INTS11: variants seen among roughly 807,000 people sequenced by gnomAD.
The protein encoded by INTS11 is integrator complex subunit 11.
INTS11 carries 77 observed loss-of-function variants against 78.6 expected under a neutral mutation model. The observed-to-expected ratio is 0.98, with a 90% CI of 0.81 to 1.18. The LOEUF (loss-of-function observed/expected upper bound fraction) is 1.18, where lower values mean the gene tolerates loss of function less well. INTS11 is among the 50% of genes most tolerant of loss of function. The pLI is 0.00. For missense variants in INTS11, 875 were observed against 825.9 expected, an observed-to-expected ratio of 1.06 and a Z score of -0.73; for synonymous variants, 441 against 326.9, an observed-to-expected ratio of 1.35 and a Z score of -3.77.
chr1:1,313,808 A>G lies in INTS11; in HGVS notation c.881T>C (p.Phe294Ser). 3.1e-6 allele frequency: 5 copies of G among 1,613,502 alleles called. No individual in the cohort carries two copies. The highest frequency in any genetic ancestry group is 1.7e-6 in the Non-Finnish European group (2 of 1,179,980). The change falls in exon 9 of 17, where the codon TTC becomes TCC. Residue 294 changes from phenylalanine (F) to serine (S), a missense_variant. Physicochemically the swap from Phe to Ser is radical, Grantham distance 155 (BLOSUM62 -2). Transcript: ENST00000435064. ...GAACTCAAACATGTTCCTCTGCACG[A>G]AAGTCTTGCGGATCTTCTGGTTGGT... ...PWTNQKIRKT[F>S]VQRNMFEFKH...
intron 4 of INTS11, among the ~76,000 whole-genome samples, chr1:1,318,241 T>C (rs1642732222): frequency 4.6e-5 from 7 of 152,124 alleles, no homozygotes. Context: ...GAAGGCAAAT[T>C]ATCCCAAGTA....
rs749306909 is a variant in INTS11 at position 1,313,538 on chromosome 1, G to A, written c.1012C>T (p.Arg338Trp). ...TTCTTTTCGTTTCCGGCCCATTTCC[G>A]GAAGATCTGCAGGGACTGCCCAGCG... is the stretch of plus-strand genomic sequence containing the variant. ...LHAGQSLQIFRKWAGNEKNMV... is the reference protein window; with the variant it reads ...LHAGQSLQIFWKWAGNEKNMV... The change falls in exon 10 of 17, where the codon CGG becomes TGG. Residue 338 changes from arginine to tryptophan, a missense_variant. Transcript: ENST00000435064. 10 of 1,612,892 alleles carry A rather than the reference G, an allele frequency of 6.2e-6. No individual in the cohort carries two copies. Among genetic ancestry groups the A allele is most frequent in the African/African-American group, 4.0e-5 (3 of 74,950 alleles).
rs1642293967 is a variant in INTS11 at position 1,312,673 on chromosome 1, C to T, written c.1322G>A (p.Gly441Asp). The change falls in exon 13 of 17, where the codon GGC becomes GAC. Residue 441 changes from glycine to aspartate, a missense_variant. Coordinates refer to ENST00000435064, the MANE Select transcript of INTS11 (RefSeq NM_017871.6). ...LRVNCYMPANGETVTLPTSPS... is the reference protein window; with the variant it reads ...LRVNCYMPANDETVTLPTSPS... ...GCTTGTGGGCAGCGTCACCGTCTCGCCATTGGCCGGCATGTAGCAGTTGAC... is the reference window on the plus strand; with the variant it reads ...GCTTGTGGGCAGCGTCACCGTCTCGTCATTGGCCGGCATGTAGCAGTTGAC... 5.0e-6 allele frequency: 8 copies of T among 1,595,666 alleles called. No individual in the cohort carries two copies. Among genetic ancestry groups the T allele is most frequent in the Non-Finnish European group, 6.8e-6 (8 of 1,168,284 alleles).
At chr1:1,315,862 G>T (rs1219360200) in intron 4 of INTS11, among the ~76,000 whole-genome samples, 3 of 148,186 alleles carry the variant, frequency 2.0e-5, no homozygotes, top group African/African-American at 7.4e-5. Context: ...GGGGAGCGAG[G>T]GCACTGCACT....
chr1:1,324,280 G>C (rs896007864), intron 1 of INTS11, among the ~76,000 whole-genome samples: 12 of 151,918 alleles, frequency 7.9e-5, no homozygotes, highest in South Asian at 2.1e-4. Flanking sequence ...CGCGCGGCAC[G>C]GGGAGGTCAA....
At chr1:1,323,324 A>G (rs1643074213) in intron 1 of INTS11, 2 of 1,530,888 alleles carry the variant, frequency 1.3e-6, no homozygotes, top group African/African-American at 2.8e-5. Context: ...ATGACTGGCC[A>G]CCAACACCAT....
intron 2 of INTS11, 136 bp downstream of exon 2, chr1:1,320,860 C>A: frequency 2.3e-6 from 2 of 871,606 alleles, no homozygotes; most frequent in Non-Finnish European, 3.8e-6. Context: ...CCACCCATCC[C>A]TGCTCCCCAC....
chr1:1,313,159 T>A, intron 10 of INTS11, 35 bp from the exon 11 acceptor site: 1 of 1,586,066 alleles, frequency 6.3e-7, no homozygotes, highest in Non-Finnish European at 8.5e-7. Flanking sequence ...GCCAGGGAAC[T>A]CCAGCCTTGG....
At chr1:1,321,629 G>A (rs1056931538) in intron 1 of INTS11, among the ~76,000 whole-genome samples, 3 of 152,236 alleles carry the variant, frequency 2.0e-5, no homozygotes, top group Non-Finnish European at 4.4e-5. Context: ...CGAACACGGT[G>A]CCAGTGGTCC....
At chr1:1,318,801 C>T in intron 4 of INTS11, 1 of 589,916 alleles carries the variant, frequency 1.7e-6, no homozygotes, top group South Asian at 2.1e-5. Flanking sequence ...GAGTGAGACA[C>T]AGACAAACCC....
At position 1,312,580 on chromosome 1, in the gene INTS11, C is replaced by A. The variant is rs374497541; in HGVS notation, c.1402+13G>T. On this transcript the variant is annotated intron_variant, in intron 13 of 16. Coordinates refer to ENST00000435064, the MANE Select transcript of INTS11 (RefSeq NM_017871.6). The stretch of plus-strand genomic sequence containing the variant: ...CCCCGAGCACCCTGCCCTGCCCTGC[C>A]CAGCCCGCATACCCTGCGCCATCTC... The A allele has an allele frequency of 1.9e-6, 3 of 1,578,196 alleles. No individual in the cohort carries two copies. The East Asian group carries it at 6.8e-5, about 36-fold the overall frequency.
chr1:1,311,960 G>A (rs772931868), intron 16 of INTS11, 36 bp from the exon 17 acceptor site: 5 of 1,596,938 alleles, frequency 3.1e-6, no homozygotes, highest in South Asian at 2.2e-5. Flanking sequence ...GGTGGTGCAG[G>A]ACAGGGAGGA....
At position 1,313,398 on chromosome 1, in the gene INTS11, G is replaced by A. The variant is rs750038739; in HGVS notation, c.1041+111C>T. ...CCCGTTCCCCAGCAGCAGCAGCCAC[G>A]TCCCTTGGCCAGCACGAGGCCAAGC... On this transcript the variant is annotated intron_variant, in intron 10 of 16. Coordinates refer to ENST00000435064, the MANE Select transcript of INTS11 (RefSeq NM_017871.6). 130 of 1,247,608 alleles carry A rather than the reference G, an allele frequency of 1.0e-4. 1 individual carries two copies. The highest frequency in any genetic ancestry group is 5.3e-4 in the Admixed American group (29 of 54,288). The allele number at this position is 1,247,608 out of a possible 1,614,324, so 77.3% of individuals were successfully genotyped here. A position where few individuals can be genotyped will look rare whatever the true frequency, so the allele number is the denominator to read the frequency against.
At chr1:1,312,198 T>TGGGGGGGG (rs70949570) in intron 15 of INTS11, 28 bp downstream of exon 15, 205 of 1,079,840 alleles carry the variant, frequency 1.9e-4, no homozygotes, top group East Asian at 3.9e-4. Context: ...CCCAAGGGAG[T>TGGGGGGGG]GGGGGGGGGG....
In INTS11 at chr1:1,312,117, G is replaced by T; in HGVS notation, c.1638C>A (p.Leu546=). The change falls in exon 16 of 17, where the codon CTC becomes CTA. Residue 546 remains leucine (L), a synonymous_variant. Transcript: ENST00000435064. The part of the protein sequence containing the change: ...SVLKDHCVQH[L]PDGSVTVESV... ...ACTCCACAGTCACAGAGCCGTCTGG[G>T]AGGTGCTGCACACAGTGGTCCTTCA... 6.3e-7 allele frequency: 1 copy of T among 1,575,026 alleles called. No individual in the cohort carries two copies. Among genetic ancestry groups the T allele is most frequent in the Non-Finnish European group, 8.6e-7 (1 of 1,158,584 alleles).
At chr1:1,313,397 C>T (rs780580202) in intron 10 of INTS11, 112 bp downstream of exon 10, 29 of 1,235,338 alleles carry the variant, frequency 2.3e-5, no homozygotes, top group Non-Finnish European at 3.2e-5. Context: ...GCAGCAGCCA[C>T]GTCCCTTGGC....
intron 13 of INTS11, 35 bp downstream of exon 13, chr1:1,312,558 C>T (rs774372310): frequency 1.1e-5 from 18 of 1,577,260 alleles, no homozygotes; most frequent in South Asian, 5.8e-5. Flanking sequence ...CCGCCTGCCC[C>T]GAGCACCCTG....
intron 6 of INTS11, 82 bp downstream of exon 6, chr1:1,315,322 C>G: frequency 6.4e-7 from 1 of 1,555,990 alleles, no homozygotes; most frequent in Non-Finnish European, 8.8e-7. Flanking sequence ...GCTGGCCACT[C>G]AAGGGCTGGC....
chr1:1,321,817 C>T, intron 1 of INTS11: 13 of 969,626 alleles, frequency 1.3e-5, no homozygotes, highest in Non-Finnish European at 1.8e-5. Context: ...GGCCTGGGGG[C>T]CCGAGAGGAA....
Sources: gnomAD v4.1 joint callset for allele counts (sites outside exome capture counted in the v4.1 genomes callset) on GRCh38, gnomAD v4.1.1 for gene constraint, MANE v1.5 for transcripts, NCBI Gene and HGNC (gene_info 2026-07-23, HGNC 2026-07-21) for gene names.